The following GARRE1 variants were observed in gnomAD, a reference collection of about 807,000 sequenced individuals.
GARRE1 encodes the protein granule associated Rac and RHOG effector 1.
Under a neutral mutation model 103.2 loss-of-function variants are expected in GARRE1, and 49 were observed. That is an observed-to-expected ratio of 0.47 (90% CI 0.38 to 0.60). The LOEUF (loss-of-function observed/expected upper bound fraction) is 0.60. Ranked by LOEUF, GARRE1 falls within the 20% of genes least tolerant of loss-of-function variation. GARRE1 has a pLI of 0.00. For missense variants in GARRE1, 1,199 were observed against 1,370.5 expected, an observed-to-expected ratio of 0.87 and a Z score of 1.98; for synonymous variants, 505 against 532.8, an observed-to-expected ratio of 0.95 and a Z score of 0.72.
intron 1 of GARRE1, 70 bp downstream of exon 1, chr19:34,254,684 G>GGGGCCGC (rs2073659099): frequency 6.8e-6 from 1 of 146,808 alleles, no homozygotes; most frequent in Non-Finnish European, 1.5e-5. Context: ...GGTGGGCAGC[G>GGGGCCGC]GGGCCGCGGG....
At chr19:34,293,742 A>T (rs1042643433) in intron 1 of GARRE1, among the ~76,000 whole-genome samples, 1 of 124,474 alleles carries the variant, frequency 8.0e-6, no homozygotes, top group African/African-American at 3.2e-5. Flanking sequence ...ACACACACAC[A>T]CATATTTCTT....
At chr19:34,277,425 T>C (rs11084763) in intron 1 of GARRE1, among the ~76,000 whole-genome samples, 71,607 of 152,044 alleles carry the variant, frequency 0.47, 20,176 homozygotes, top group Non-Finnish European at 0.63. Flanking sequence ...TGGTTACTTA[T>C]GAACAATACG....
At chr19:34,351,341 C>T (rs956234693) in intron 12 of GARRE1, among the ~76,000 whole-genome samples, 173 bp from the exon 13 acceptor site, 2 of 152,188 alleles carry the variant, frequency 1.3e-5, no homozygotes, top group African/African-American at 2.4e-5. Context: ...GCAGGAGCGC[C>T]GTCATTCACT....
chr19:34,319,194 A>T (rs575605757), intron 2 of GARRE1, among the ~76,000 whole-genome samples: 3 of 152,204 alleles, frequency 2.0e-5, no homozygotes, highest in Non-Finnish European at 4.4e-5. Context: ...TATATTTAGT[A>T]TACATCTTAT....
At chr19:34,270,592 A>AG (rs2073781431) in intron 1 of GARRE1, among the ~76,000 whole-genome samples, 1 of 152,050 alleles carries the variant, frequency 6.6e-6, no homozygotes, top group African/African-American at 2.4e-5. Context: ...CAGATCTTTG[A>AG]GGGGGGCCTC....
At chr19:34,347,632 C>G (rs1268427895) in intron 10 of GARRE1, among the ~76,000 whole-genome samples, 1 of 152,238 alleles carries the variant, frequency 6.6e-6, no homozygotes, top group Non-Finnish European at 1.5e-5. Flanking sequence ...TAGCCTGCCT[C>G]TATCCTAGGC....
At chr19:34,274,658 A>C (rs2073806352) in intron 1 of GARRE1, among the ~76,000 whole-genome samples, 1 of 152,178 alleles carries the variant, frequency 6.6e-6, no homozygotes, top group Non-Finnish European at 1.5e-5. Context: ...GGATTTGGGA[A>C]TCTTCCCAGA....
At chr19:34,259,906 C>T (rs1340934483) in intron 1 of GARRE1, among the ~76,000 whole-genome samples, 1 of 152,214 alleles carries the variant, frequency 6.6e-6, no homozygotes, top group Non-Finnish European at 1.5e-5. Flanking sequence ...TTATAAGGGG[C>T]TTCCCCCTTC....
chr19:34,344,293 A>G (rs2074200056), intron 10 of GARRE1, among the ~76,000 whole-genome samples: 1 of 152,212 alleles, frequency 6.6e-6, no homozygotes, highest in Non-Finnish European at 1.5e-5. Context: ...AATCACCACC[A>G]TAAGAGGACA....
chr19:34,302,736 GTT>G lies in GARRE1; in HGVS notation c.495+1791_495+1792del, dbSNP rs35460135. Among the ~76,000 whole-genome samples the G allele has an allele frequency of 4.2e-3, 536 of 128,986 alleles. 5 individuals are homozygous for G. Among genetic ancestry groups the G allele is most frequent in the African/African-American group, 0.014 (488 of 33,886 alleles). 84.6% of individuals were successfully genotyped at this position (128,986 alleles called of 152,430 possible). On this transcript the variant is annotated intron_variant, in intron 2 of 13. Coordinates refer to ENST00000299505, the MANE Select transcript of GARRE1 (RefSeq NM_014686.5). ...AGTACATTTCTTGGGGTCTTTGATA[GTT>G]TTTTTTTTTTTTTTTTTTTTTTAAA...
intron 1 of GARRE1, among the ~76,000 whole-genome samples, chr19:34,284,099 G>A (rs924461257): frequency 1.4e-5 from 2 of 146,442 alleles, no homozygotes; most frequent in African/African-American, 5.1e-5. Context: ...CAAAGTGCTG[G>A]AAGTGCTGGG....
At chr19:34,339,080 G>A (rs1028025086) in intron 8 of GARRE1, among the ~76,000 whole-genome samples, 47 of 152,256 alleles carry the variant, frequency 3.1e-4, no homozygotes, top group African/African-American at 1.1e-3. Context: ...AACTAGAGAG[G>A]GTGTGTAAGT....
At position 34,262,922 on chromosome 19, in the gene GARRE1, AATAT is replaced by A. The variant is rs1386391894; in HGVS notation, c.-796+8314_-796+8317del. ...TAATATGAGCTCATTTGTTTAAAAA[AATAT>A]ATATAGGCCAGGCATGGTGGCTCAC... On this transcript the variant is annotated intron_variant, in intron 1 of 13. Transcript: ENST00000299505. Among the ~76,000 whole-genome samples the A allele has an allele frequency of 3.3e-5, 5 of 152,218 alleles. No individual in the cohort carries two copies. In the East Asian group the frequency reaches 9.7e-4, roughly 29 times the overall value.
At chr19:34,308,699 A>G (rs542876502) in intron 2 of GARRE1, among the ~76,000 whole-genome samples, 140 of 152,356 alleles carry the variant, frequency 9.2e-4, no homozygotes, top group African/African-American at 3.2e-3. Flanking sequence ...TGTCAAGACA[A>G]GCATGTGCAA....
At chr19:34,261,922 C>A (rs972468607) in intron 1 of GARRE1, among the ~76,000 whole-genome samples, 1 of 152,088 alleles carries the variant, frequency 6.6e-6, no homozygotes, top group African/African-American at 2.4e-5. Flanking sequence ...TCACAACAAC[C>A]CTTTGATGTA....
At chr19:34,272,774 G>A (rs910212571) in intron 1 of GARRE1, among the ~76,000 whole-genome samples, 6 of 152,230 alleles carry the variant, frequency 3.9e-5, no homozygotes, top group Admixed American at 3.3e-4. Context: ...AGCTCAACCT[G>A]TGGCAGCAGA....
chr19:34,335,430 TTAAG>T (rs1449297585), intron 8 of GARRE1, among the ~76,000 whole-genome samples: 65 of 152,370 alleles, frequency 4.3e-4, no homozygotes, highest in African/African-American at 1.5e-3. Context: ...TTTAAATCAT[TTAAG>T]TAGGCAGAGA....
At chr19:34,269,188 G>C (rs2073771219) in intron 1 of GARRE1, among the ~76,000 whole-genome samples, 1 of 152,212 alleles carries the variant, frequency 6.6e-6, no homozygotes. Context: ...GGAACGCCAT[G>C]GTTTGTGGTG....
chr19:34,277,252 A>G (rs995786696), intron 1 of GARRE1, among the ~76,000 whole-genome samples: 2 of 152,162 alleles, frequency 1.3e-5, no homozygotes, highest in African/African-American at 4.8e-5. Flanking sequence ...ATTTTATTCA[A>G]AGTGCCAGGG....
Sources: allele counts gnomAD v4.1 joint callset (sites outside exome capture counted in the v4.1 genomes callset), GRCh38; gene constraint gnomAD v4.1.1; transcripts MANE v1.5; gene names NCBI Gene and HGNC (gene_info 2026-07-23, HGNC 2026-07-21).